The following GALK2 variants were observed in gnomAD, a reference collection of about 807,000 sequenced individuals.
GALK2 encodes the protein N-acetylgalactosamine kinase.
In GALK2, 36 loss-of-function variants were observed where a neutral mutation model predicts 52.4. That is an observed-to-expected ratio of 0.69 (90% CI 0.53 to 0.91). The LOEUF is 0.91. Among genes scored for constraint, GALK2 ranks in the 40% least tolerant of loss-of-function variants. GALK2 has a pLI of 0.00. For synonymous variants in GALK2, 176 were observed against 199.1 expected (o/e 0.88, Z 0.98); for missense variants, 579 against 559.1 (o/e 1.04, Z -0.36).
chr15:49,334,629 G>A (rs1332503651), downstream of GALK2, among the ~76,000 whole-genome samples: 2 of 152,210 alleles, frequency 1.3e-5, no homozygotes, highest in African/African-American at 4.8e-5. Context: ...GTCTGTGGGT[G>A]GGTGGGCAGG....
In GALK2 at chr15:49,163,686, A is replaced by G. The variant is rs2084727689; in HGVS notation, c.20+7670A>G. 4.6e-5 allele frequency among the ~76,000 whole-genome samples: 7 copies of G among 152,204 alleles called. No individual in the cohort carries two copies. In the South Asian group the frequency reaches 1.4e-3, roughly 31 times the overall value. ...TTTAAAATATATTTTTCATAATTGTATGCTACCTTGTATTACAATTATTTC... is the reference window on the plus strand; with the variant it reads ...TTTAAAATATATTTTTCATAATTGTGTGCTACCTTGTATTACAATTATTTC... On this transcript the variant is annotated intron_variant, in intron 1 of 9. Coordinates refer to the GALK2 transcript ENST00000327171.
At chr15:49,181,045 T>TTCCC (rs1491415513) in intron 1 of GALK2, among the ~76,000 whole-genome samples, 1 of 125,090 alleles carries the variant, frequency 8.0e-6, no homozygotes, top group Non-Finnish European at 1.8e-5. Context: ...CCTTCCTTCC[T>TTCCC]TCCTTCCCTC....
chr15:49,260,353 A>G (rs1388060989), intron 5 of GALK2, among the ~76,000 whole-genome samples: 2 of 152,024 alleles, frequency 1.3e-5, no homozygotes, highest in African/African-American at 4.8e-5. Flanking sequence ...TTTTGGCTGC[A>G]TAAATGTCTT....
At chr15:49,285,178 A>G (rs1453309415) in intron 7 of GALK2, among the ~76,000 whole-genome samples, 1 of 152,150 alleles carries the variant, frequency 6.6e-6, no homozygotes, top group Non-Finnish European at 1.5e-5. Flanking sequence ...TGGTAAATCC[A>G]GTGGATGCTT....
chr15:49,319,553 G>A (rs377026700), intron 8 of GALK2, 51 bp from the exon 9 acceptor site: 2 of 1,485,752 alleles, frequency 1.3e-6, no homozygotes, highest in African/African-American at 1.4e-5. Context: ...TTTATACTGG[G>A]TTGTCCAGTA....
chr15:49,171,799 T>C (rs1390556927), intron 1 of GALK2, among the ~76,000 whole-genome samples: 1 of 149,480 alleles, frequency 6.7e-6, no homozygotes, highest in Non-Finnish European at 1.5e-5. Context: ...TGAGACAGAG[T>C]CTTGTTCTGT....
chr15:49,166,303 G>A (rs1306311419), upstream of GALK2, among the ~76,000 whole-genome samples: 1 of 152,048 alleles, frequency 6.6e-6, no homozygotes, highest in Non-Finnish European at 1.5e-5. Flanking sequence ...TTCGGTTAAA[G>A]CATTTTTGCA....
chr15:49,294,103 T>G (rs2034212931), intron 8 of GALK2, among the ~76,000 whole-genome samples: 1 of 146,572 alleles, frequency 6.8e-6, no homozygotes, highest in South Asian at 2.1e-4. Flanking sequence ...AATAAATAAA[T>G]AAATAAATAA....
chr15:49,300,950 A>G (rs1433010422), intron 8 of GALK2, among the ~76,000 whole-genome samples: 1 of 152,164 alleles, frequency 6.6e-6, no homozygotes, highest in Non-Finnish European at 1.5e-5. Flanking sequence ...GGTGGCAGGT[A>G]CCAGTTTTTT....
chr15:49,159,872 A>C (rs967921482), intron 1 of GALK2, among the ~76,000 whole-genome samples: 2 of 152,204 alleles, frequency 1.3e-5, no homozygotes, highest in Non-Finnish European at 2.9e-5. Flanking sequence ...TCCCTGTATC[A>C]GTTGAAAGGA....
chr15:49,192,510 T>TATATATATAC (rs2086839272), intron 1 of GALK2, among the ~76,000 whole-genome samples: 1 of 140,230 alleles, frequency 7.1e-6, no homozygotes, highest in Non-Finnish European at 1.5e-5. Context: ...TATATATATA[T>TATATATATAC]ATATATATAT....
At chr15:49,170,633 A>G in intron 1 of GALK2, 2 of 481,488 alleles carry the variant, frequency 4.2e-6, no homozygotes, top group Non-Finnish European at 7.5e-6. Context: ...TCTTGTTGTA[A>G]TTAGTGTACT....
intron 3 of GALK2, among the ~76,000 whole-genome samples, chr15:49,356,221 A>T (rs1175970177): frequency 6.6e-6 from 1 of 152,210 alleles, no homozygotes; most frequent in Non-Finnish European, 1.5e-5. Flanking sequence ...TAATGACAGG[A>T]TCAAATTCAC....
intron 1 of GALK2, among the ~76,000 whole-genome samples, chr15:49,183,558 T>G (rs2086125871): frequency 6.6e-6 from 1 of 152,162 alleles, no homozygotes; most frequent in African/African-American, 2.4e-5. Context: ...TAAAGACTAG[T>G]TTTGGCTGGG....
At chr15:49,351,973 T>A (rs1596401811) in intron 3 of GALK2, among the ~76,000 whole-genome samples, 1 of 152,316 alleles carries the variant, frequency 6.6e-6, no homozygotes, top group Middle Eastern at 3.4e-3. Flanking sequence ...TTCTAGGTGT[T>A]GACTGAGCTC....
At chr15:49,338,509 G>T (rs2040161323) in intron 3 of GALK2, among the ~76,000 whole-genome samples, 1 of 152,188 alleles carries the variant, frequency 6.6e-6, no homozygotes, top group Non-Finnish European at 1.5e-5. Flanking sequence ...TTAGTCTGGT[G>T]GGCTTCCCTT....
At chr15:49,332,185 G>T (rs2038919848), downstream of GALK2, among the ~76,000 whole-genome samples, 1 of 151,912 alleles carries the variant, frequency 6.6e-6, no homozygotes, top group African/African-American at 2.4e-5. Flanking sequence ...CAAGCCTTCA[G>T]TTCCACCCAC....
chr15:49,265,407 T>G (rs2092322958), intron 5 of GALK2, among the ~76,000 whole-genome samples: 1 of 152,196 alleles, frequency 6.6e-6, no homozygotes, highest in African/African-American at 2.4e-5. Flanking sequence ...GGTGTGCCGT[T>G]TTTTAAGCCC....
At position 49,337,269 on chromosome 15, in the gene GALK2, C is replaced by CT. The variant is rs142675277; in HGVS notation, c.426+17465dup. The stretch of plus-strand genomic sequence containing the variant: ...TTTTAAGTTCTTTGAGAAATCTCAA[C>CT]TACTTTTGACAGTGGCTGAACTAAT... On this transcript the variant is annotated intron_variant, in intron 3 of 3. Coordinates refer to the GALK2 transcript ENST00000558399. Among the ~76,000 whole-genome samples the CT allele has an allele frequency of 6.2e-3, 949 of 152,284 alleles. 27 individuals are homozygous for CT. In the East Asian group the frequency reaches 0.064, roughly 10 times the overall value.
Sources: gnomAD v4.1 joint callset for allele counts (sites outside exome capture counted in the v4.1 genomes callset) on GRCh38, gnomAD v4.1.1 for gene constraint, MANE v1.5 for transcripts, NCBI Gene and HGNC (gene_info 2026-07-23, HGNC 2026-07-21) for gene names.